Variants in SOX5 observed in about 807,000 individuals in gnomAD.
SOX5 encodes the protein transcription factor SOX-5.
A neutral mutation model predicts 92.0 loss-of-function variants in SOX5; 9 were observed. That is an observed-to-expected ratio of 0.10 (90% confidence interval 0.06 to 0.17). SOX5 has a LOEUF of 0.17. Ranked by LOEUF, SOX5 falls within the 10% of genes least tolerant of loss-of-function variation. The probability of loss-of-function intolerance (pLI) is 1.00; values close to 1 mark genes in which losing one functional copy is unlikely to be tolerated. For missense variants in SOX5, 642 were observed against 944.5 expected, an observed-to-expected ratio of 0.68 and a Z score of 4.20; for synonymous variants, 344 against 336.3, an observed-to-expected ratio of 1.02 and a Z score of -0.25.
chr12:23,688,396 C>T (rs559007684), intron 6 of SOX5, among the ~76,000 whole-genome samples: 63 of 152,146 alleles, frequency 4.1e-4, no homozygotes, highest in Non-Finnish European at 4.1e-4. Flanking sequence ...TGAAATTTTA[C>T]GTTTTACTCA....
At chr12:24,548,966 C>T (rs939409034) in intron 1 of SOX5, among the ~76,000 whole-genome samples, 6 of 152,220 alleles carry the variant, frequency 3.9e-5, no homozygotes, top group Non-Finnish European at 7.3e-5. Context: ...TCTCTCTCTA[C>T]AACCTCATCT....
At chr12:24,118,112 G>A (rs1169015551) in intron 4 of SOX5, among the ~76,000 whole-genome samples, 1 of 151,646 alleles carries the variant, frequency 6.6e-6, no homozygotes, top group African/African-American at 2.4e-5. Flanking sequence ...GGGAAGGGAT[G>A]AGGAAAACGG....
chr12:24,425,275 T>A (rs74068329), intron 1 of SOX5, among the ~76,000 whole-genome samples: 1 of 152,324 alleles, frequency 6.6e-6, no homozygotes, highest in African/African-American at 2.4e-5. Context: ...GGTATAACAA[T>A]TAATCTGTAG....
chr12:23,970,243 T>G (rs78659797), intron 4 of SOX5, among the ~76,000 whole-genome samples: 4 of 150,772 alleles, frequency 2.7e-5, no homozygotes, highest in Non-Finnish European at 5.9e-5. Flanking sequence ...TTTTTTTTGG[T>G]TTTTTAACAG....
At chr12:24,276,903 C>T (rs1352496773) in intron 3 of SOX5, among the ~76,000 whole-genome samples, 1 of 152,108 alleles carries the variant, frequency 6.6e-6, no homozygotes, top group Admixed American at 6.5e-5. Flanking sequence ...TTTCAAAAAA[C>T]ATTTTTCAGT....
intron 2 of SOX5, among the ~76,000 whole-genome samples, chr12:24,285,912 C>T (rs1945812874): frequency 6.6e-6 from 1 of 152,032 alleles, no homozygotes; most frequent in East Asian, 1.9e-4. Context: ...TTGTCTTACC[C>T]AAAACACTTG....
chr12:24,085,996 T>G (rs1462360973), intron 4 of SOX5, among the ~76,000 whole-genome samples: 1 of 151,940 alleles, frequency 6.6e-6, no homozygotes, highest in African/African-American at 2.4e-5. Flanking sequence ...ACTACAAATA[T>G]TTTACTTGGT....
chr12:23,957,615 T>C (rs1946427600), intron 4 of SOX5, among the ~76,000 whole-genome samples: 1 of 152,226 alleles, frequency 6.6e-6, no homozygotes, highest in African/African-American at 2.4e-5. Context: ...CAAGAAAACC[T>C]AGTTGTTATA....
intron 3 of SOX5, among the ~76,000 whole-genome samples, chr12:24,254,718 A>AATATATATATATAT (rs10556060): frequency 1.4e-4 from 21 of 146,690 alleles, no homozygotes; most frequent in African/African-American, 4.8e-4. Flanking sequence ...GGGCTGCTCA[A>AATATATATATATAT]ATATATATAT....
At position 23,530,462 on chromosome 12, in the gene SOX5, A is replaced by G. The variant is rs1424397785; in HGVS notation, c.*3757T>C. The G allele has an allele frequency of 4.8e-5, 7 of 145,656 alleles. No homozygotes were observed. Among genetic ancestry groups the G allele is most frequent in the Non-Finnish European group, 9.0e-5 (6 of 66,368 alleles). The allele number at this position is 145,656 out of a possible 1,614,324, so 9.0% of individuals were successfully genotyped here. On this transcript the variant is annotated 3_prime_UTR_variant, in exon 15 of 15. Coordinates refer to ENST00000451604, the MANE Select transcript of SOX5 (RefSeq NM_006940.6). ...TAGCTTCACCACAGAAAACTTTTTT[A>G]TATTTGTTCTTTATAAGAGGATTTG... is the stretch of plus-strand genomic sequence containing the variant.
At chr12:23,781,780 T>A (rs2095285212) in intron 3 of SOX5, among the ~76,000 whole-genome samples, 1 of 152,074 alleles carries the variant, frequency 6.6e-6, no homozygotes, top group Non-Finnish European at 1.5e-5. Context: ...GAAATAATGC[T>A]TTTTCTTTAT....
intron 6 of SOX5, among the ~76,000 whole-genome samples, chr12:23,678,996 G>A (rs79259714): frequency 0.014 from 2,162 of 152,126 alleles, 53 homozygotes; most frequent in African/African-American, 0.05. Flanking sequence ...AATTATTTCA[G>A]CATGTAAATT....
intron 3 of SOX5, among the ~76,000 whole-genome samples, chr12:24,225,479 G>GT (rs5797069): frequency 4.4e-4 from 65 of 149,182 alleles, no homozygotes; most frequent in Admixed American, 1.0e-3. Flanking sequence ...ATTATCAGAG[G>GT]TTTTTTTTTT....
At chr12:24,017,875 CT>C (rs1382295169) in intron 4 of SOX5, among the ~76,000 whole-genome samples, 1 of 152,102 alleles carries the variant, frequency 6.6e-6, no homozygotes, top group Non-Finnish European at 1.5e-5. Context: ...TTCTGCAACC[CT>C]CCTTAAAACA....
chr12:24,485,526 G>A (rs867399822), intron 1 of SOX5, among the ~76,000 whole-genome samples: 17 of 152,100 alleles, frequency 1.1e-4, no homozygotes, highest in Admixed American at 2.0e-4. Context: ...GGCTTTCTGC[G>A]TGGCAACTAC....
At chr12:24,317,193 T>A (rs1949774484) in intron 2 of SOX5, among the ~76,000 whole-genome samples, 1 of 152,224 alleles carries the variant, frequency 6.6e-6, no homozygotes, top group Non-Finnish European at 1.5e-5. Flanking sequence ...CTAAGTATTA[T>A]TTTAAGAAAG....
chr12:24,284,088 C>T (rs572737034), intron 2 of SOX5, among the ~76,000 whole-genome samples: 10 of 152,348 alleles, frequency 6.6e-5, no homozygotes, highest in Non-Finnish European at 1.3e-4. Context: ...CAGATAGTCG[C>T]ATTGTCTGTC....
intron 1 of SOX5, among the ~76,000 whole-genome samples, chr12:24,416,564 G>A (rs1965057887): frequency 6.6e-6 from 1 of 152,162 alleles, no homozygotes; most frequent in Non-Finnish European, 1.5e-5. Flanking sequence ...CTCAACTAAT[G>A]TAAAAATATG....
At chr12:23,734,896 T>G in intron 5 of SOX5, 144 bp from the exon 6 acceptor site, 1 of 609,564 alleles carries the variant, frequency 1.6e-6, no homozygotes. Flanking sequence ...TTATCAGCAA[T>G]TCATCCTAAA....
Sources: gnomAD v4.1 joint callset for allele counts (sites outside exome capture counted in the v4.1 genomes callset) on GRCh38, gnomAD v4.1.1 for gene constraint, MANE v1.5 for transcripts, NCBI Gene and HGNC (gene_info 2026-07-23, HGNC 2026-07-21) for gene names.